LPP: variants seen among roughly 807,000 people sequenced by gnomAD.
LPP encodes lipoma-preferred partner.
Under a neutral mutation model 60.4 loss-of-function variants are expected in LPP, and 38 were observed. The ratio of observed to expected loss-of-function variants is 0.63; its 90% CI spans 0.49 to 0.83. LPP has a LOEUF of 0.83. Among genes scored for constraint, LPP ranks in the 40% least tolerant of loss-of-function variants. The probability of loss-of-function intolerance (pLI) is 0.00; values close to 1 mark genes in which losing one functional copy is unlikely to be tolerated. For synonymous variants in LPP, 328 were observed against 290.8 expected, an observed-to-expected ratio of 1.13 and a Z score of -1.30; for missense variants, 902 against 783.6, an observed-to-expected ratio of 1.15 and a Z score of -1.80.
At chr3:188,264,019 C>T (rs993353369) in intron 2 of LPP, among the ~76,000 whole-genome samples, 1 of 152,126 alleles carries the variant, frequency 6.6e-6, no homozygotes, top group Non-Finnish European at 1.5e-5. Flanking sequence ...CCACAGTTCC[C>T]AGAGCTAGGT....
chr3:188,774,557 T>A (rs768389428), intron 9 of LPP, among the ~76,000 whole-genome samples: 37 of 152,136 alleles, frequency 2.4e-4, no homozygotes, highest in African/African-American at 5.8e-4. Context: ...GTACATTTTT[T>A]AAAAAATGAA....
At chr3:188,514,726 G>A (rs1579535027) in intron 5 of LPP, among the ~76,000 whole-genome samples, 2 of 152,222 alleles carry the variant, frequency 1.3e-5, no homozygotes, top group South Asian at 2.1e-4. Flanking sequence ...ACATGCATGA[G>A]CCACCGTGCC....
At chr3:188,715,276 G>A (rs1242942238) in intron 8 of LPP, among the ~76,000 whole-genome samples, 1 of 150,790 alleles carries the variant, frequency 6.6e-6, no homozygotes, top group African/African-American at 2.4e-5. Flanking sequence ...TACTCAGGAG[G>A]CTGAGGCAGG....
chr3:188,601,934 G>A (rs796508021), intron 6 of LPP, among the ~76,000 whole-genome samples: 3 of 151,268 alleles, frequency 2.0e-5, no homozygotes, highest in African/African-American at 7.3e-5. Flanking sequence ...CTGGCGTGGT[G>A]GTGGGTGCCT....
intron 2 of LPP, among the ~76,000 whole-genome samples, chr3:188,325,495 C>G (rs548889075): frequency 2.6e-5 from 4 of 152,262 alleles, no homozygotes; most frequent in South Asian, 4.1e-4. Flanking sequence ...ACACATACCC[C>G]CCTCCCCATC....
intron 3 of LPP, among the ~76,000 whole-genome samples, chr3:188,354,804 C>A (rs1767023050): frequency 7.4e-6 from 1 of 134,518 alleles, no homozygotes; most frequent in African/African-American, 2.8e-5. Context: ...TCAATGAACA[C>A]ACACACGCGC....
intron 6 of LPP, among the ~76,000 whole-genome samples, chr3:188,591,774 T>C (rs535228577): frequency 2.6e-5 from 4 of 152,226 alleles, no homozygotes; most frequent in Non-Finnish European, 5.9e-5. Flanking sequence ...ATACAAATAA[T>C]AATGGTACTC....
intron 3 of LPP, among the ~76,000 whole-genome samples, chr3:188,390,923 C>A (rs1779539025): frequency 6.6e-6 from 1 of 152,166 alleles, no homozygotes; most frequent in Non-Finnish European, 1.5e-5. Flanking sequence ...GGATTTTTCT[C>A]CTCGAGGCTT....
intron 3 of LPP, among the ~76,000 whole-genome samples, chr3:188,362,964 G>C (rs949815963): frequency 6.6e-6 from 1 of 151,890 alleles, no homozygotes; most frequent in East Asian, 1.9e-4. Context: ...AAATTCATTA[G>C]GGCTCAAATT....
chr3:188,224,587 G>T (rs763808848), intron 1 of LPP, among the ~76,000 whole-genome samples: 4 of 152,154 alleles, frequency 2.6e-5, no homozygotes, highest in Admixed American at 2.6e-4. Flanking sequence ...TTGGGTCATG[G>T]TTCTGCAGTC....
At chr3:188,442,732 C>T (rs985655881) in intron 4 of LPP, among the ~76,000 whole-genome samples, 41 of 152,116 alleles carry the variant, frequency 2.7e-4, no homozygotes, top group Non-Finnish European at 2.8e-4. Context: ...GAAGAATTTT[C>T]GAAACTTAAG....
At chr3:188,640,981 ACT>A (rs1560690698) in intron 7 of LPP, among the ~76,000 whole-genome samples, 1 of 152,236 alleles carries the variant, frequency 6.6e-6, no homozygotes, top group East Asian at 1.9e-4. Flanking sequence ...GTGCACACTC[ACT>A]CTCATTCTAG....
chr3:188,684,235 C>G (rs550066890), intron 7 of LPP, among the ~76,000 whole-genome samples: 1 of 152,178 alleles, frequency 6.6e-6, no homozygotes, highest in African/African-American at 2.4e-5. Context: ...ACAGTTTTAT[C>G]ACGGACACAT....
chr3:188,593,964 G>T (rs565170195), intron 6 of LPP, among the ~76,000 whole-genome samples: 12 of 152,290 alleles, frequency 7.9e-5, no homozygotes, highest in African/African-American at 2.9e-4. Context: ...ATACCCAGTA[G>T]TGGGATTGCT....
At chr3:188,836,045 T>C (rs1560273878) in intron 9 of LPP, among the ~76,000 whole-genome samples, 1 of 152,264 alleles carries the variant, frequency 6.6e-6, no homozygotes, top group Non-Finnish European at 1.5e-5. Flanking sequence ...TTTTGCCTTT[T>C]ATTTCAGATA....
At position 188,881,562 on chromosome 3, in the gene LPP, C is replaced by G. The variant is rs1274597767; in HGVS notation, c.*7083C>G. 4.6e-6 allele frequency: 1 copy of G among 217,082 alleles called. No homozygotes were observed. Among genetic ancestry groups the G allele is most frequent in the Non-Finnish European group, 9.3e-6 (1 of 107,822 alleles). 13.4% of individuals were successfully genotyped at this position (217,082 alleles called of 1,614,324 possible). A position where few individuals can be genotyped will look rare whatever the true frequency, so the allele number is the denominator to read the frequency against. ...GAATTTCCCCAAAAAACCTCAGACC[C>G]AGAAGTGTAAAAGCTACAGAAGGAT... On this transcript the variant is annotated 3_prime_UTR_variant, in exon 12 of 12. Transcript: ENST00000617246.
At chr3:188,636,543 G>T (rs545175398) in intron 7 of LPP, among the ~76,000 whole-genome samples, 18 of 152,272 alleles carry the variant, frequency 1.2e-4, no homozygotes, top group African/African-American at 2.6e-4. Context: ...TCGAACTGGG[G>T]GGAGCCCACC....
At chr3:188,597,675 C>A (rs752456692) in intron 6 of LPP, among the ~76,000 whole-genome samples, 4 of 152,140 alleles carry the variant, frequency 2.6e-5, no homozygotes, top group Non-Finnish European at 5.9e-5. Flanking sequence ...GTGCACAAAA[C>A]TGATGGGGGA....
At chr3:188,664,277 C>T (rs938293680) in intron 7 of LPP, among the ~76,000 whole-genome samples, 4 of 152,190 alleles carry the variant, frequency 2.6e-5, no homozygotes, top group African/African-American at 9.7e-5. Context: ...TGGCTTAGCA[C>T]CCCTCTTAGA....
Sources: gnomAD v4.1 joint callset for allele counts (sites outside exome capture counted in the v4.1 genomes callset) on GRCh38, gnomAD v4.1.1 for gene constraint, MANE v1.5 for transcripts, NCBI Gene and HGNC (gene_info 2026-07-23, HGNC 2026-07-21) for gene names.